RBFOX1: variants seen among roughly 807,000 people sequenced by gnomAD.
RBFOX1 encodes RNA binding fox-1 homolog 1.
RBFOX1 carries 8 observed loss-of-function variants against 57.7 expected under a neutral mutation model. The observed-to-expected ratio is 0.14, with a 90% CI of 0.08 to 0.25. RBFOX1 has a LOEUF of 0.25. RBFOX1 is among the 10% of genes least tolerant of loss of function. The pLI, the probability that RBFOX1 is intolerant of heterozygous loss-of-function variation, is 1.00. For missense variants in RBFOX1, 611 were observed against 548.5 expected, an observed-to-expected ratio of 1.11 and a Z score of -1.14; for synonymous variants, 326 against 222.4, an observed-to-expected ratio of 1.47 and a Z score of -4.15.
In RBFOX1 at chr16:7,602,390, G is replaced by A. The variant is rs576797161; in HGVS notation, c.623-4895G>A. Among the ~76,000 whole-genome samples the A allele has an allele frequency of 5.3e-5, 8 of 152,262 alleles. No individual in the cohort carries two copies. The East Asian group carries it at 1.2e-3, about 22-fold the overall frequency. Reference sequence around the variant, plus strand: ...ATTGCCTTGTTGTGGGGCTGGGGGGGCCCTGGGAGGCTGGGACCAGTGGGC... The same window carrying A: ...ATTGCCTTGTTGTGGGGCTGGGGGGACCCTGGGAGGCTGGGACCAGTGGGC... On this transcript the variant is annotated intron_variant, in intron 9 of 15. Transcript: ENST00000550418.
chr16:7,243,451 G>C (rs1475276830), intron 4 of RBFOX1, among the ~76,000 whole-genome samples: 1 of 152,138 alleles, frequency 6.6e-6, no homozygotes. Flanking sequence ...CATTATCTTT[G>C]TTTGTAGGTG....
intron 4 of RBFOX1, among the ~76,000 whole-genome samples, chr16:7,219,895 C>G (rs535970234): frequency 1.4e-4 from 22 of 152,250 alleles, no homozygotes; most frequent in African/African-American, 5.3e-4. Context: ...AAAGAGAAAT[C>G]TGTTGGATCA....
chr16:7,298,285 G>GTTTTTTTTTTTTTTTTTTTTT lies in RBFOX1; in HGVS notation c.28-219861_28-219841dup, dbSNP rs201092743. ...AAAATTTGTGTATAGGTTTTTTTTT[G>GTTTTTTTTTTTTTTTTTTTTT]TTTTTTTTTTTTTTTTTTTTTGAGA... On this transcript the variant is annotated intron_variant, in intron 4 of 15. Coordinates refer to ENST00000550418, the MANE Select transcript of RBFOX1 (RefSeq NM_018723.4). Among the ~76,000 whole-genome samples, 2 of 96,592 alleles carry GTTTTTTTTTTTTTTTTTTTTT rather than the reference G, an allele frequency of 2.1e-5. 1 individual carries two copies. 63.4% of individuals were successfully genotyped at this position (96,592 alleles called of 152,430 possible). A position where few individuals can be genotyped will look rare whatever the true frequency, so the allele number is the denominator to read the frequency against.
At position 7,329,830 on chromosome 16, in the gene RBFOX1, G is replaced by A. The variant is rs563755688; in HGVS notation, c.28-188317G>A. Among the ~76,000 whole-genome samples, 5 of 152,162 alleles carry A rather than the reference G, an allele frequency of 3.3e-5. No individual in the cohort carries two copies. The East Asian group carries it at 7.7e-4, about 24-fold the overall frequency. The stretch of plus-strand genomic sequence containing the variant: ...TAAGAAGAAAACAGAAAATATCCCC[G>A]GCACAAGGTATAACTATATATCTCT... On this transcript the variant is annotated intron_variant, in intron 4 of 15. Transcript: ENST00000550418.
At chr16:6,783,616 A>G (rs186837580) in intron 3 of RBFOX1, among the ~76,000 whole-genome samples, 3 of 152,122 alleles carry the variant, frequency 2.0e-5, no homozygotes, top group South Asian at 2.1e-4. Flanking sequence ...AAATTGTTGT[A>G]GTTATTATTA....
chr16:5,282,953 A>C (rs750186895), intron 1 of RBFOX1, among the ~76,000 whole-genome samples: 8 of 152,112 alleles, frequency 5.3e-5, no homozygotes, highest in African/African-American at 1.9e-4. Context: ...CCACCCATCA[A>C]AGGCCCAGAG....
intron 1 of RBFOX1, among the ~76,000 whole-genome samples, chr16:5,261,974 A>C (rs1479216451): frequency 4.6e-5 from 7 of 152,226 alleles, no homozygotes; most frequent in African/African-American, 1.7e-4. Context: ...ACACTCAAAG[A>C]AGACTTCTTT....
intron 2 of RBFOX1, among the ~76,000 whole-genome samples, chr16:6,643,690 T>C (rs908567691): frequency 6.6e-6 from 1 of 152,178 alleles, no homozygotes; most frequent in South Asian, 2.1e-4. Flanking sequence ...ATCTCCCTTA[T>C]GCTTTTAATC....
At chr16:7,216,423 GGGA>G (rs1198116321) in intron 4 of RBFOX1, among the ~76,000 whole-genome samples, 3 of 152,202 alleles carry the variant, frequency 2.0e-5, no homozygotes, top group Admixed American at 2.0e-4. Context: ...GGGAGGCTGA[GGGA>G]GGAGGATTGC....
At chr16:5,830,486 T>C (rs536112967) in intron 3 of RBFOX1, among the ~76,000 whole-genome samples, 3 of 152,212 alleles carry the variant, frequency 2.0e-5, no homozygotes, top group South Asian at 2.1e-4. Flanking sequence ...AGGCCGGGAC[T>C]GTGGGGGCTG....
intron 4 of RBFOX1, among the ~76,000 whole-genome samples, chr16:7,137,172 C>A (rs2072259586): frequency 6.6e-6 from 1 of 152,192 alleles, no homozygotes; most frequent in South Asian, 2.1e-4. Context: ...AGTCCAGCTG[C>A]AAAGTCTAAT....
intron 4 of RBFOX1, among the ~76,000 whole-genome samples, chr16:7,437,593 G>T (rs749528604): frequency 6.6e-6 from 1 of 152,014 alleles, no homozygotes; most frequent in Non-Finnish European, 1.5e-5. Context: ...ACTGCTCCCC[G>T]GCAACATAAA....
chr16:5,723,543 C>A (rs1225565438), intron 3 of RBFOX1, among the ~76,000 whole-genome samples: 2 of 150,176 alleles, frequency 1.3e-5, no homozygotes, highest in African/African-American at 4.9e-5. Flanking sequence ...GATTTTGAGA[C>A]CTTTGGTCTA....
intron 3 of RBFOX1, among the ~76,000 whole-genome samples, chr16:6,718,067 G>T (rs2065190903): frequency 6.6e-6 from 1 of 152,072 alleles, no homozygotes; most frequent in South Asian, 2.1e-4. Flanking sequence ...GCATTTCTTT[G>T]TCTAATTTTA....
At chr16:6,798,439 G>A (rs999395501) in intron 3 of RBFOX1, among the ~76,000 whole-genome samples, 1 of 152,186 alleles carries the variant, frequency 6.6e-6, no homozygotes, top group Non-Finnish European at 1.5e-5. Context: ...GGGAGAGACA[G>A]AGAGCTGCTA....
At chr16:6,939,165 A>G (rs2077892492) in intron 3 of RBFOX1, among the ~76,000 whole-genome samples, 1 of 152,190 alleles carries the variant, frequency 6.6e-6, no homozygotes. Context: ...CATAGCTGGA[A>G]TTAGAACTCA....
At chr16:6,860,059 G>T (rs1220630775) in intron 3 of RBFOX1, among the ~76,000 whole-genome samples, 8 of 152,296 alleles carry the variant, frequency 5.3e-5, no homozygotes, top group Non-Finnish European at 8.8e-5. Flanking sequence ...TAATACCGAG[G>T]TAAGTGAAGA....
chr16:5,510,729 G>A (rs543867833), intron 2 of RBFOX1, among the ~76,000 whole-genome samples: 1 of 152,150 alleles, frequency 6.6e-6, no homozygotes, highest in Admixed American at 6.5e-5. Flanking sequence ...GTAAAACTCA[G>A]GTGTATCAGC....
chr16:7,169,729 A>T (rs1159358398), intron 4 of RBFOX1, among the ~76,000 whole-genome samples: 1 of 152,216 alleles, frequency 6.6e-6, no homozygotes, highest in African/African-American at 2.4e-5. Context: ...GATACAGAGC[A>T]TTAATTCATC....
Sources: gnomAD v4.1 joint callset for allele counts (sites outside exome capture counted in the v4.1 genomes callset) on GRCh38, gnomAD v4.1.1 for gene constraint, MANE v1.5 for transcripts, NCBI Gene and HGNC (gene_info 2026-07-23, HGNC 2026-07-21) for gene names.